EHHADH: variants seen among roughly 807,000 people sequenced by gnomAD.
EHHADH encodes enoyl-CoA hydratase and 3-hydroxyacyl CoA dehydrogenase.
Under a neutral mutation model 64.4 loss-of-function variants are expected in EHHADH, and 48 were observed. That is an observed-to-expected ratio of 0.75 (90% CI 0.59 to 0.95). The LOEUF is 0.95. Among genes scored for constraint, EHHADH ranks in the 40% least tolerant of loss-of-function variants. The pLI is 0.00. For synonymous variants in EHHADH, 308 were observed against 326.7 expected (o/e 0.94, Z 0.62); for missense variants, 854 against 876.6 (o/e 0.97, Z 0.33).
intron 5 of EHHADH, among the ~76,000 whole-genome samples, chr3:185,210,162 A>T (rs908519561): frequency 2.0e-5 from 3 of 152,142 alleles, no homozygotes; most frequent in African/African-American, 7.2e-5. Context: ...CAGCGCTGGG[A>T]TATCTTAGAG....
Position 185,192,382 on chromosome 3 carries a change from C to T in EHHADH, c.2016G>A (p.Leu672=). The T allele has an allele frequency of 3.1e-6, 5 of 1,614,172 alleles. No individual in the cohort carries two copies. The highest frequency in any genetic ancestry group is 1.3e-5 in the African/African-American group (1 of 75,042). ...GPMFYASTVG[L]PTVLEKLQKY... ...TCTGCAATTTCTCTAGAACTGTGGG[C>T]AACCCAACTGTGGAAGCATAGAACA... The change falls in exon 7 of 7, where the codon TTG becomes TTA. Residue 672 remains leucine, a synonymous_variant. Transcript: ENST00000231887.
At chr3:185,232,088 C>T (rs1429947816) in intron 3 of EHHADH, among the ~76,000 whole-genome samples, 1 of 151,960 alleles carries the variant, frequency 6.6e-6, no homozygotes, top group Non-Finnish European at 1.5e-5. Context: ...ATCTGTTAGC[C>T]ATTTACAGGT....
At chr3:185,209,117 A>G (rs749108688) in intron 5 of EHHADH, among the ~76,000 whole-genome samples, 3 of 152,192 alleles carry the variant, frequency 2.0e-5, no homozygotes, top group Non-Finnish European at 2.9e-5. Flanking sequence ...TGCACAATCT[A>G]TAAGGCAAAT....
rs545458684 is a variant in EHHADH at position 185,216,512 on chromosome 3, T to C, written c.568+1624A>G. Reference sequence around the variant, plus strand: ...CACAATGATGAAAACACAGTGAAGGTTGCCTGAAAGGCCGAGAAAAATAGT... The same window carrying C: ...CACAATGATGAAAACACAGTGAAGGCTGCCTGAAAGGCCGAGAAAAATAGT... On this transcript the variant is annotated intron_variant, in intron 5 of 6. Transcript: ENST00000231887. This position sits in a 1 kb window ranked among gnomAD's most constrained non-coding sequence, Gnocchi z 5.3. 2.2e-4 allele frequency among the ~76,000 whole-genome samples: 33 copies of C among 152,350 alleles called. No homozygotes were observed. The highest frequency in any genetic ancestry group is 7.7e-4 in the African/African-American group (32 of 41,584).
chr3:185,248,055 T>G lies in EHHADH; in HGVS notation c.178+359A>C, dbSNP rs1353699611. Reference sequence around the variant, plus strand: ...CACAAAAACCCCTTAAAATAGATATTATTGTTCCCACTTTATAGATAGAGA... The same window carrying G: ...CACAAAAACCCCTTAAAATAGATATGATTGTTCCCACTTTATAGATAGAGA... On this transcript the variant is annotated intron_variant, in intron 2 of 6. Transcript: ENST00000231887. The G allele has an allele frequency of 7.1e-5, 13 of 183,860 alleles. No individual in the cohort carries two copies. The East Asian group carries it at 1.9e-3, about 26-fold the overall frequency. 11.4% of individuals were successfully genotyped at this position (183,860 alleles called of 1,614,324 possible). A position where few individuals can be genotyped will look rare whatever the true frequency, so the allele number is the denominator to read the frequency against.
chr3:185,191,969 C>T lies in EHHADH; in HGVS notation c.*257G>A. Reference sequence around the variant, plus strand: ...TGAGAATCTCAACTTATGCCTGAGCCTCTTTCATTAGCTATTATGGTATTA... The same window carrying T: ...TGAGAATCTCAACTTATGCCTGAGCTTCTTTCATTAGCTATTATGGTATTA... On this transcript the variant is annotated 3_prime_UTR_variant, in exon 7 of 7. Coordinates refer to ENST00000231887, the MANE Select transcript of EHHADH (RefSeq NM_001966.4). The T allele has an allele frequency of 2.3e-6, 1 of 439,588 alleles. No homozygotes were observed. Among genetic ancestry groups the T allele is most frequent in the East Asian group, 3.7e-5 (1 of 27,344 alleles). 27.2% of individuals were successfully genotyped at this position (439,588 alleles called of 1,614,324 possible).
At chr3:185,232,511 C>T (rs944298295) in intron 3 of EHHADH, among the ~76,000 whole-genome samples, 11 of 152,064 alleles carry the variant, frequency 7.2e-5, no homozygotes, top group Admixed American at 2.0e-4. Context: ...TGCAATGGTG[C>T]GATCTCGGCT....
At chr3:185,243,258 C>T (rs1719505360) in intron 2 of EHHADH, among the ~76,000 whole-genome samples, 1 of 152,212 alleles carries the variant, frequency 6.6e-6, no homozygotes, top group Non-Finnish European at 1.5e-5. Context: ...TTCAGAGGGT[C>T]TGTGGGTCCT....
intron 3 of EHHADH, among the ~76,000 whole-genome samples, chr3:185,231,629 C>T (rs866163541): frequency 9.1e-6 from 1 of 110,104 alleles, no homozygotes; most frequent in African/African-American, 3.1e-5. Flanking sequence ...GACCACATAT[C>T]GTATGATTCT....
intron 4 of EHHADH, 28 bp downstream of exon 4, chr3:185,229,404 G>C (rs1349605548): frequency 3.7e-6 from 5 of 1,342,340 alleles, no homozygotes; most frequent in Non-Finnish European, 4.9e-6. Flanking sequence ...CACTAATCTA[G>C]ACAGTTGTTG....
At chr3:185,201,172 G>A (rs1402693546) in intron 6 of EHHADH, among the ~76,000 whole-genome samples, 1 of 152,084 alleles carries the variant, frequency 6.6e-6, no homozygotes, top group African/African-American at 2.4e-5. Flanking sequence ...AGAAGCGAGT[G>A]TGGAATGTGG....
rs141363302 is a variant in EHHADH, at chr3:185,197,254, T to G, written c.911-3767A>C. ...ATATCTAACAACCATTGAATTGTAT[T>G]CTTTTTTGGTGATATGCTTACTATG... is the stretch of plus-strand genomic sequence containing the variant. On this transcript the variant is annotated intron_variant, in intron 6 of 6. Transcript: ENST00000231887. Among the ~76,000 whole-genome samples, 503 of 152,346 alleles carry G rather than the reference T, an allele frequency of 3.3e-3. 1 individual carries two copies. Among genetic ancestry groups the G allele is most frequent in the African/African-American group, 0.012 (479 of 41,588 alleles).
At chr3:185,233,264 A>C (rs1381846395) in intron 3 of EHHADH, among the ~76,000 whole-genome samples, 4 of 152,196 alleles carry the variant, frequency 2.6e-5, no homozygotes, top group African/African-American at 9.6e-5. Flanking sequence ...ATATTATTAA[A>C]ATTCAGTCAG....
intron 4 of EHHADH, among the ~76,000 whole-genome samples, chr3:185,220,744 T>A (rs1234109542): frequency 6.6e-6 from 1 of 152,118 alleles, no homozygotes; most frequent in Admixed American, 6.5e-5. Flanking sequence ...CAATGGGCTC[T>A]AATAAGAACC....
intron 5 of EHHADH, among the ~76,000 whole-genome samples, chr3:185,206,750 C>T (rs1016743979): frequency 6.6e-6 from 1 of 151,806 alleles, no homozygotes; most frequent in Admixed American, 6.6e-5. Context: ...ATTGCTAGAA[C>T]CTGAGAGGTG....
chr3:185,213,940 G>C (rs79199807), intron 5 of EHHADH, among the ~76,000 whole-genome samples: 1,911 of 150,202 alleles, frequency 0.013, 53 homozygotes, highest in African/African-American at 0.044. Context: ...AGCACAAAAA[G>C]AAAAGATAGG....
At position 185,191,847 on chromosome 3, in the gene EHHADH, A is replaced by G. The variant is rs1717879238; in HGVS notation, c.*379T>C. 1.3e-5 allele frequency: 3 copies of G among 228,408 alleles called. No homozygotes were observed. In the South Asian group the frequency reaches 2.1e-4, roughly 16 times the overall value. 14.1% of individuals were successfully genotyped at this position (228,408 alleles called of 1,614,324 possible). On this transcript the variant is annotated 3_prime_UTR_variant, in exon 7 of 7. Coordinates refer to ENST00000231887, the MANE Select transcript of EHHADH (RefSeq NM_001966.4). ...ATTCATAAGATTTCTGATCAATACT[A>G]TGTGTGTGACATTGAAAGGAGTCAA... is the stretch of plus-strand genomic sequence containing the variant.
At chr3:185,232,115 G>C (rs953343422) in intron 3 of EHHADH, among the ~76,000 whole-genome samples, 2 of 152,006 alleles carry the variant, frequency 1.3e-5, no homozygotes, top group Non-Finnish European at 2.9e-5. Flanking sequence ...GTGAGAGGAG[G>C]GTACTTAAAT....
At position 185,196,205 on chromosome 3, in the gene EHHADH, T is replaced by C. The variant is rs146901949; in HGVS notation, c.911-2718A>G. ...AGTGTAGTTCTCCTGCTTTGTGATT[T>C]TCCTGTATCAATGTCACTTGGCATT... is the stretch of plus-strand genomic sequence containing the variant. On this transcript the variant is annotated intron_variant, in intron 6 of 6. Transcript: ENST00000231887. Among the ~76,000 whole-genome samples, 76 of 152,324 alleles carry C rather than the reference T, an allele frequency of 5.0e-4. No individual in the cohort carries two copies. The East Asian group carries it at 6.5e-3, about 13-fold the overall frequency.
Sources: allele counts gnomAD v4.1 joint callset (sites outside exome capture counted in the v4.1 genomes callset), GRCh38; gene constraint gnomAD v4.1.1; non-coding constraint Gnocchi (gnomAD v3.1); transcripts MANE v1.5; gene names NCBI Gene and HGNC (gene_info 2026-07-23, HGNC 2026-07-21).